Variants in MAF observed in about 807,000 individuals in gnomAD.
The protein encoded by MAF is transcription factor Maf.
A neutral mutation model predicts 22.0 loss-of-function variants in MAF; 10 were observed. The ratio of observed to expected loss-of-function variants is 0.45; its 90% CI spans 0.28 to 0.77. The LOEUF is 0.77. Ranked by LOEUF, MAF falls within the 30% of genes least tolerant of loss-of-function variation. The probability of loss-of-function intolerance (pLI) is 0.12; values close to 1 mark genes in which losing one functional copy is unlikely to be tolerated. For missense variants in MAF, 544 were observed against 548.4 expected (o/e 0.99, Z 0.08); for synonymous variants, 337 against 255.8 (o/e 1.32, Z -3.03).
At chr16:79,532,326 G>A in the MAF span, among the ~76,000 whole-genome samples, 1 of 152,172 alleles carries the variant, frequency 6.6e-6, no homozygotes, top group Non-Finnish European at 1.5e-5. Flanking sequence ...CGTAGCCACT[G>A]GGAGACAAAT....
chr16:79,397,699 C>T, the MAF span, among the ~76,000 whole-genome samples: 1 of 152,116 alleles, frequency 6.6e-6, no homozygotes, highest in Admixed American at 6.5e-5. Context: ...CAATGCTTTG[C>T]AGGGCATAGC....
intron 1 of MAF, chr16:79,597,074 T>C (rs1913576716): frequency 1.9e-6 from 2 of 1,057,220 alleles, no homozygotes; most frequent in Non-Finnish European, 2.3e-6. Flanking sequence ...AGACTACACA[T>C]ACCCAACTTA....
chr16:79,431,368 C>G, the MAF span, among the ~76,000 whole-genome samples: 1 of 152,194 alleles, frequency 6.6e-6, no homozygotes, highest in Non-Finnish European at 1.5e-5. Context: ...ATACACTAAC[C>G]AAATAACATT....
the MAF span, among the ~76,000 whole-genome samples, chr16:79,464,071 T>C: frequency 1.1e-4 from 17 of 152,018 alleles, no homozygotes; most frequent in African/African-American, 4.1e-4. Context: ...CTCGAACAGA[T>C]GACAGTAAGA....
At chr16:79,493,716 C>T in the MAF span, among the ~76,000 whole-genome samples, 30 of 152,320 alleles carry the variant, frequency 2.0e-4, no homozygotes, top group African/African-American at 7.2e-4. Flanking sequence ...CTAATGACAG[C>T]CACCTCAGCT....
At chr16:79,347,068 C>T in the MAF span, among the ~76,000 whole-genome samples, 2 of 152,260 alleles carry the variant, frequency 1.3e-5, no homozygotes, top group Non-Finnish European at 2.9e-5. Flanking sequence ...AACCCAGCAC[C>T]TAGTAGGGGA....
the MAF span, among the ~76,000 whole-genome samples, chr16:79,462,811 T>C: frequency 0.022 from 3,352 of 152,346 alleles, 135 homozygotes; most frequent in African/African-American, 0.077. Flanking sequence ...GTGCTAGGGA[T>C]GTCAAAGTAA....
At chr16:79,551,124 C>T in the MAF span, among the ~76,000 whole-genome samples, 133,918 of 152,082 alleles carry the variant, frequency 0.88, 59,429 homozygotes, top group Non-Finnish European at 0.93. Flanking sequence ...TGAGGAACTA[C>T]TGTACCTAAG....
At chr16:79,341,421 T>C in the MAF span, among the ~76,000 whole-genome samples, 1 of 152,200 alleles carries the variant, frequency 6.6e-6, no homozygotes, top group Non-Finnish European at 1.5e-5. Flanking sequence ...TCCTGAGAGC[T>C]GACTTCATGC....
At chr16:79,428,530 C>G in the MAF span, among the ~76,000 whole-genome samples, 1 of 152,190 alleles carries the variant, frequency 6.6e-6, no homozygotes, top group Non-Finnish European at 1.5e-5. Context: ...GAAAGAGACT[C>G]TTCCTTCTTC....
chr16:79,474,600 A>G, the MAF span, among the ~76,000 whole-genome samples: 1 of 152,210 alleles, frequency 6.6e-6, no homozygotes. Flanking sequence ...AGGTGTTAAT[A>G]TAAATGGGTT....
At chr16:79,441,772 G>C in the MAF span, among the ~76,000 whole-genome samples, 85,984 of 152,068 alleles carry the variant, frequency 0.57, 24,543 homozygotes, top group East Asian at 0.69. Flanking sequence ...ATACTTATGT[G>C]TAAATTTATT....
chr16:79,550,499 C>G, the MAF span, among the ~76,000 whole-genome samples: 1 of 152,172 alleles, frequency 6.6e-6, no homozygotes, highest in African/African-American at 2.4e-5. Context: ...CACATTGAAA[C>G]AGCTCACCAT....
At chr16:79,320,606 A>C in the MAF span, among the ~76,000 whole-genome samples, 1 of 152,180 alleles carries the variant, frequency 6.6e-6, no homozygotes, top group Admixed American at 6.5e-5. Flanking sequence ...CTGGACTCTA[A>C]TCCCAGCTCC....
the MAF span, among the ~76,000 whole-genome samples, chr16:79,395,231 C>A: frequency 6.6e-6 from 1 of 152,100 alleles, no homozygotes; most frequent in South Asian, 2.1e-4. Flanking sequence ...GGCCTGGATG[C>A]AAACCAAGGA....
the MAF span, among the ~76,000 whole-genome samples, chr16:79,237,917 C>G: frequency 7.9e-5 from 12 of 152,122 alleles, no homozygotes; most frequent in Admixed American, 3.3e-4. Context: ...TCCTGTGGCT[C>G]AGCATCCCAT....
chr16:79,399,561 T>C, the MAF span, among the ~76,000 whole-genome samples: 7 of 152,276 alleles, frequency 4.6e-5, no homozygotes, highest in East Asian at 1.4e-3. Flanking sequence ...GTTTTCCATT[T>C]TTCAACTAAT....
the MAF span, among the ~76,000 whole-genome samples, chr16:79,389,704 TG>T: frequency 6.6e-6 from 1 of 151,892 alleles, no homozygotes; most frequent in Admixed American, 6.6e-5. Flanking sequence ...AGGCCGGGCA[TG>T]GTGGCTCACG....
At chr16:79,283,982 A>AAG in the MAF span, among the ~76,000 whole-genome samples, 3 of 77,792 alleles carry the variant, frequency 3.9e-5, 1 homozygote, top group Non-Finnish European at 7.5e-5. Flanking sequence ...AAAAAAAAAA[A>AAG]AAAGACAAAG....
Sources: gnomAD v4.1 joint callset for allele counts (sites outside exome capture counted in the v4.1 genomes callset) on GRCh38, gnomAD v4.1.1 for gene constraint, MANE v1.5 for transcripts, NCBI Gene and HGNC (gene_info 2026-07-23, HGNC 2026-07-21) for gene names.